Variants in LEO1 observed in about 807,000 individuals in gnomAD.
The protein encoded by LEO1 is RNA polymerase-associated protein LEO1.
In LEO1, 34 loss-of-function variants were observed where a neutral mutation model predicts 80.4. The ratio of observed to expected loss-of-function variants is 0.42; its 90% CI spans 0.32 to 0.56. The LOEUF is 0.56. LEO1 is among the 20% of genes least tolerant of loss of function. LEO1 has a pLI of 0.10. For synonymous variants in LEO1, 262 were observed against 274.9 expected (o/e 0.95, Z 0.46); for missense variants, 631 against 814.2 (o/e 0.77, Z 2.74).
In LEO1 at chr15:51,971,766, G is replaced by A; in HGVS notation, c.-21C>T. ...GCCATTATCGCTCACGTCCGCTGCT[G>A]CCTCGGTTAGGGGCAGCTCCCGGCC... is the stretch of plus-strand genomic sequence containing the variant. On this transcript the variant is annotated 5_prime_UTR_variant, in exon 1 of 12. Coordinates refer to ENST00000299601, the MANE Select transcript of LEO1 (RefSeq NM_138792.4). The A allele has an allele frequency of 3.1e-6, 5 of 1,613,762 alleles. No homozygotes were observed. Among genetic ancestry groups the A allele is most frequent in the Non-Finnish European group, 4.2e-6 (5 of 1,179,672 alleles).
Position 51,951,973 on chromosome 15 carries a change from G to C in LEO1, c.1482C>G (p.His494Gln), listed in dbSNP as rs1257895211. ...TTCTATGTGTGGCACTGTCCGTAGA[G>C]TGAGGTCTGCCAGGAAATAAACGAA... ...VFKTKLTFRP[H>Q]STDSATHRKM... Residue 494 changes from histidine (H) to glutamine (Q), a missense_variant, in exon 9 of 12, where the codon CAC becomes CAG. This residue lies in a region of LEO1 where 25 missense variants were observed against 83.5 expected (regional missense o/e 0.30). Transcript: ENST00000299601. The C allele has an allele frequency of 6.2e-7, 1 of 1,612,562 alleles. No individual in the cohort carries two copies. The highest frequency in any genetic ancestry group is 8.5e-7 in the Non-Finnish European group (1 of 1,179,098).
rs1566883174 is a variant in LEO1 at position 51,953,225 on chromosome 15, T to C, written c.1379A>G (p.Tyr460Cys). ...LHLGNEVFDVYKAPLQGDHNH... is the reference protein window; with the variant it reads ...LHLGNEVFDVCKAPLQGDHNH... ...GTGGTCGCCCTGCAGTGGGGCTTTG[T>C]ACACATCAAACACTTCATTGCCTAA... is the stretch of plus-strand genomic sequence containing the variant. The change falls in exon 8 of 12, where the codon TAC (tyrosine) becomes TGC (cysteine). Residue 460 changes from tyrosine (Y) to cysteine (C), a missense_variant. Physicochemically the swap from Tyr to Cys is radical, Grantham distance 194. Transcript: ENST00000299601. The C allele has an allele frequency of 6.2e-7, 1 of 1,614,136 alleles. No individual in the cohort carries two copies. The highest frequency in any genetic ancestry group is 1.3e-5 in the African/African-American group (1 of 75,076).
In LEO1 at chr15:51,965,967, T is replaced by A; in HGVS notation, c.596A>T (p.Asp199Val). ...CTCCTCAGATAGCTGTTGTCTCTCA[T>A]CATCGGAAAGCTGAGGCCTCTCCTC... ...DDEERPQLSD[D>V]ERQQLSEEEK... The change falls in exon 2 of 12, where the codon GAT becomes GTT. Residue 199 changes from aspartate (D) to valine (V), a missense_variant. Transcript: ENST00000299601. 1 of 1,614,038 alleles carries A rather than the reference T, an allele frequency of 6.2e-7. No homozygotes were observed. Among genetic ancestry groups the A allele is most frequent in the South Asian group, 1.1e-5 (1 of 91,072 alleles).
At chr15:51,948,249 A>G (rs1415175159) in intron 10 of LEO1, among the ~76,000 whole-genome samples, 1 of 152,140 alleles carries the variant, frequency 6.6e-6, no homozygotes, top group African/African-American at 2.4e-5. Context: ...CACCTTGCCT[A>G]TCTGATTACT....
chr15:51,947,198 A>G lies in LEO1; in HGVS notation c.1896+94T>C, dbSNP rs146634039. ...ATTTCAGTGACGTGTGTAGACAACT[A>G]ATTTGTGCCTGCCTGATCTGTGAGC... On this transcript the variant is annotated intron_variant, in intron 11 of 11. Transcript: ENST00000299601. 1,651 of 814,390 alleles carry G rather than the reference A, an allele frequency of 2.0e-3. 4 individuals are homozygous for G. The highest frequency in any genetic ancestry group is 2.9e-3 in the Non-Finnish European group (1,327 of 464,490). 50.4% of individuals were successfully genotyped at this position (814,390 alleles called of 1,614,324 possible). A position where few individuals can be genotyped will look rare whatever the true frequency, so the allele number is the denominator to read the frequency against.
In LEO1 at chr15:51,958,865, T is replaced by G. The variant is rs757809363; in HGVS notation, c.1161-39A>C. ...TCCAAATAAACTATTAATCATATTT[T>G]ATAAAGAATATTACTGCTATGTAAT... is the stretch of plus-strand genomic sequence containing the variant. On this transcript the variant is annotated intron_variant, in intron 5 of 11. Coordinates refer to ENST00000299601, the MANE Select transcript of LEO1 (RefSeq NM_138792.4). The G allele has an allele frequency of 9.3e-6, 10 of 1,078,632 alleles. No individual in the cohort carries two copies. The Admixed American group carries it at 2.2e-4, about 24-fold the overall frequency. The allele number at this position is 1,078,632 out of a possible 1,614,324, so 66.8% of individuals were successfully genotyped here. A position where few individuals can be genotyped will look rare whatever the true frequency, so the allele number is the denominator to read the frequency against.
chr15:51,963,137 G>C (rs994166135), intron 2 of LEO1, among the ~76,000 whole-genome samples: 1 of 152,056 alleles, frequency 6.6e-6, no homozygotes, highest in East Asian at 1.9e-4. Flanking sequence ...TTAGCCGGGT[G>C]TGGTAGCGTG....
intron 11 of LEO1, among the ~76,000 whole-genome samples, chr15:51,939,475 T>C (rs1041022688): frequency 2.0e-5 from 3 of 152,128 alleles, no homozygotes; most frequent in Non-Finnish European, 2.9e-5. Flanking sequence ...AGTAAGGTAT[T>C]TAGAGAAGTC....
chr15:51,958,861 A>G, intron 5 of LEO1, 35 bp from the exon 6 acceptor site: 1 of 1,172,966 alleles, frequency 8.5e-7, no homozygotes, highest in Non-Finnish European at 1.2e-6. Context: ...TATTAATCAT[A>G]TTTTATAAAG....
chr15:51,942,384 C>G (rs1247557508), intron 11 of LEO1, among the ~76,000 whole-genome samples: 1 of 151,728 alleles, frequency 6.6e-6, no homozygotes, highest in East Asian at 1.9e-4. Flanking sequence ...TTTGCAACTG[C>G]CCAGCCTAGA....
intron 10 of LEO1, among the ~76,000 whole-genome samples, chr15:51,947,770 T>C (rs998969390): frequency 7.2e-5 from 11 of 152,246 alleles, no homozygotes; most frequent in Admixed American, 5.9e-4. Flanking sequence ...TTAAATGTTT[T>C]CTTCTGATAA....
chr15:51,940,325 C>G (rs111611517), intron 11 of LEO1, among the ~76,000 whole-genome samples: 2,214 of 148,562 alleles, frequency 0.015, 64 homozygotes, highest in East Asian at 0.071. Context: ...CTTTGGGAGG[C>G]CGAGGTGGGC....
intron 1 of LEO1, among the ~76,000 whole-genome samples, chr15:51,971,327 A>C (rs1282415292): frequency 6.6e-6 from 1 of 152,082 alleles, no homozygotes; most frequent in African/African-American, 2.4e-5. Flanking sequence ...ATTTCCATTC[A>C]TTCAAAAACA....
intron 1 of LEO1, among the ~76,000 whole-genome samples, chr15:51,969,400 C>T (rs2057104521): frequency 6.6e-6 from 1 of 151,836 alleles, no homozygotes; most frequent in Non-Finnish European, 1.5e-5. Flanking sequence ...TGTGAGAGGC[C>T]GAGGCAGGCA....
chr15:51,968,361 G>A (rs2141784138), intron 1 of LEO1, among the ~76,000 whole-genome samples: 1 of 152,170 alleles, frequency 6.6e-6, no homozygotes, highest in East Asian at 1.9e-4. Context: ...TGACCAACAT[G>A]GTGAAACCCT....
chr15:51,965,953 G>A lies in LEO1; in HGVS notation c.610C>T (p.Leu204=). 2 of 1,613,934 alleles carry A rather than the reference G, an allele frequency of 1.2e-6. No homozygotes were observed. Among genetic ancestry groups the A allele is most frequent in the South Asian group, 1.1e-5 (1 of 91,062 alleles). Reference sequence around the variant, plus strand: ...GAATTAGCCTTTTCCTCCTCAGATAGCTGTTGTCTCTCATCATCGGAAAGC... The same window carrying A: ...GAATTAGCCTTTTCCTCCTCAGATAACTGTTGTCTCTCATCATCGGAAAGC... ...PQLSDDERQQ[L]SEEEKANSDD... The change falls in exon 2 of 12, where the codon CTA becomes TTA. Residue 204 remains leucine, a synonymous_variant. Coordinates refer to ENST00000299601, the MANE Select transcript of LEO1 (RefSeq NM_138792.4).
At chr15:51,950,477 C>T (rs193285719) in intron 9 of LEO1, among the ~76,000 whole-genome samples, 163 of 152,316 alleles carry the variant, frequency 1.1e-3, no homozygotes, top group Non-Finnish European at 1.5e-3. Flanking sequence ...CCAGAGAGCT[C>T]CTCACGGCTC....
Position 51,966,306 on chromosome 15 carries a change from T to C in LEO1, c.257A>G (p.Asn86Ser), listed in dbSNP as rs977756233. The change falls in exon 2 of 12, where the codon AAT becomes AGT. Residue 86 changes from asparagine (N) to serine (S), a missense_variant. Around this residue, in one of 4 missense-constraint regions of LEO1, gnomAD observed 394 missense variants for 395.6 expected, o/e 1.00. Transcript: ENST00000299601. ...AGAACGCTCAGAAGCTTCTGATCTA[T>C]TGTCTGATCTTTCAGAGTGATTATC... ...GSDNHSERSD[N>S]RSEASERSDH... 1.5e-5 allele frequency: 25 copies of C among 1,614,084 alleles called. No individual in the cohort carries two copies. The highest frequency in any genetic ancestry group is 4.5e-5 in the East Asian group (2 of 44,896).
chr15:51,954,633 G>A (rs940333420), intron 6 of LEO1, 58 bp from the exon 7 acceptor site: 2 of 1,147,440 alleles, frequency 1.7e-6, no homozygotes, highest in African/African-American at 3.0e-5. Flanking sequence ...TATGCATCTT[G>A]TTTTTCCTCA....
Sources: allele counts gnomAD v4.1 joint callset (sites outside exome capture counted in the v4.1 genomes callset), GRCh38; gene constraint gnomAD v4.1.1; regional missense constraint gnomAD v4.1.1; transcripts MANE v1.5; gene names NCBI Gene and HGNC (gene_info 2026-07-23, HGNC 2026-07-21).